The following ZFP91 variants were observed in gnomAD, a reference collection of about 807,000 sequenced individuals.
ZFP91 encodes the protein E3 ubiquitin-protein ligase ZFP91.
Under a neutral mutation model 63.5 loss-of-function variants are expected in ZFP91, and 7 were observed. The ratio of observed to expected loss-of-function variants is 0.11; its 90% CI spans 0.06 to 0.21. The LOEUF (loss-of-function observed/expected upper bound fraction) is 0.21. Ranked by LOEUF, ZFP91 falls within the 10% of genes least tolerant of loss-of-function variation. ZFP91 has a pLI of 1.00. For synonymous variants in ZFP91, 330 were observed against 272.1 expected (o/e 1.21, Z -2.10); for missense variants, 628 against 736.6 (o/e 0.85, Z 1.71).
In ZFP91 at chr11:58,611,661, G is replaced by A. The variant is rs1172678186; in HGVS notation, c.780G>A (p.Lys260=). The change falls in exon 6 of 11, where the codon AAG becomes AAA. Residue 260 remains lysine, a synonymous_variant. Transcript: ENST00000316059. ...SGKVKEEKEK[K]EIKVEVEVEV... is the part of the protein sequence containing the mutation. ...AGGTAAAAGAAGAGAAGGAGAAGAA[G>A]GAAATTAAAGTGGAAGTAGAGGTGG... The A allele has an allele frequency of 1.2e-6, 2 of 1,612,126 alleles. No individual in the cohort carries two copies. The highest frequency in any genetic ancestry group is 1.7e-5 in the Admixed American group (1 of 59,838).
chr11:58,605,232 A>G (rs918250187), intron 2 of ZFP91, among the ~76,000 whole-genome samples: 3 of 152,190 alleles, frequency 2.0e-5, no homozygotes, highest in Admixed American at 2.0e-4. Context: ...TTATTGTTGC[A>G]AAGTGTATGT....
intron 2 of ZFP91, among the ~76,000 whole-genome samples, chr11:58,590,114 A>C (rs1051899124): frequency 5.9e-5 from 9 of 152,236 alleles, no homozygotes; most frequent in Admixed American, 5.9e-4. Context: ...GAAACTTAAA[A>C]TCCTTAGTGG....
intron 2 of ZFP91, among the ~76,000 whole-genome samples, chr11:58,585,761 G>T (rs1855197840): frequency 6.6e-6 from 1 of 152,030 alleles, no homozygotes; most frequent in South Asian, 2.1e-4. Flanking sequence ...GAATCTTAAG[G>T]TTTTTCTGTT....
chr11:58,603,183 TA>T (rs1855518779), intron 2 of ZFP91, among the ~76,000 whole-genome samples: 1 of 152,218 alleles, frequency 6.6e-6, no homozygotes. Flanking sequence ...TGAACTTGGA[TA>T]TTTATCTGAG....
At position 58,598,583 on chromosome 11, in the gene ZFP91, C is replaced by G. The variant is rs1439166753; in HGVS notation, c.371-11247C>G. On this transcript the variant is annotated intron_variant, in intron 2 of 10. Transcript: ENST00000316059. ...TATTATTTATGTATCAAGGAACCTC[C>G]TCAAGGTTAGCTGCTATTATAAGAA... 2.0e-5 allele frequency among the ~76,000 whole-genome samples: 3 copies of G among 152,166 alleles called. 1 individual carries two copies. The highest frequency in any genetic ancestry group is 4.1e-4 in the South Asian group (2 of 4,830).
At chr11:58,611,911 T>TA (rs1855671534) in intron 6 of ZFP91, 173 bp downstream of exon 6, 9 of 689,014 alleles carry the variant, frequency 1.3e-5, no homozygotes, top group Admixed American at 3.4e-5. Flanking sequence ...AGACTCTTAG[T>TA]AAAAAAATGT....
chr11:58,593,120 A>G (rs1855335928), intron 2 of ZFP91, among the ~76,000 whole-genome samples: 1 of 152,244 alleles, frequency 6.6e-6, no homozygotes, highest in Non-Finnish European at 1.5e-5. Flanking sequence ...ACATTTCAAC[A>G]TGAGATTTGA....
intron 2 of ZFP91, among the ~76,000 whole-genome samples, chr11:58,598,251 G>C (rs1208864543): frequency 6.6e-6 from 1 of 151,928 alleles, no homozygotes; most frequent in Admixed American, 6.5e-5. Context: ...TTTTATATTT[G>C]TGTATATTTT....
chr11:58,610,373 G>A (rs1320357952), intron 4 of ZFP91, 39 bp downstream of exon 4: 3 of 1,539,356 alleles, frequency 1.9e-6, no homozygotes, highest in Non-Finnish European at 2.6e-6. Context: ...AAACCTTTGG[G>A]GACATAGCAT....
rs1234943128 is a variant in ZFP91 at position 58,579,067 on chromosome 11, C to G, written c.-215C>G. 3.4e-6 allele frequency: 1 copy of G among 295,268 alleles called. No homozygotes were observed. Among genetic ancestry groups the G allele is most frequent in the Non-Finnish European group, 5.9e-6 (1 of 170,386 alleles). The allele number at this position is 295,268 out of a possible 1,614,324, so 18.3% of individuals were successfully genotyped here. ...CGATTGGCCCGCTGAGCGTCTGTGG[C>G]GCGCGCGCGCGCGCCGCCAGCGGTA... On this transcript the variant is annotated 5_prime_UTR_variant, in exon 1 of 11. Transcript: ENST00000316059.
rs397730486 is a variant in ZFP91 at position 58,612,731 on chromosome 11, T to TG, written c.909-30dup. ...GTGCAGAGTACCACTTTTTTTTTTTTGCTAACTTTTCTTCTGCATTTTGAT... is the reference window on the plus strand; with the variant it reads ...GTGCAGAGTACCACTTTTTTTTTTTTGGCTAACTTTTCTTCTGCATTTTGAT... On this transcript the variant is annotated intron_variant, in intron 7 of 10. Transcript: ENST00000316059. 4.4e-6 allele frequency: 7 copies of TG among 1,579,628 alleles called. No individual in the cohort carries two copies. In the South Asian group the frequency reaches 8.1e-5, roughly 18 times the overall value.
intron 2 of ZFP91, among the ~76,000 whole-genome samples, chr11:58,605,259 C>A (rs556933653): frequency 6.6e-6 from 1 of 152,106 alleles, no homozygotes; most frequent in Admixed American, 6.6e-5. Flanking sequence ...GTCAAATGCC[C>A]ATTAACATAA....
chr11:58,587,210 T>G (rs1263461031), intron 2 of ZFP91, among the ~76,000 whole-genome samples: 1 of 152,182 alleles, frequency 6.6e-6, no homozygotes, highest in Non-Finnish European at 1.5e-5. Flanking sequence ...GATTGGTGTA[T>G]AAAACAAATG....
intron 2 of ZFP91, among the ~76,000 whole-genome samples, chr11:58,597,182 A>T (rs1855417983): frequency 6.6e-6 from 1 of 152,158 alleles, no homozygotes; most frequent in East Asian, 1.9e-4. Context: ...TTGTTGTACC[A>T]CCAAAAGATT....
intron 2 of ZFP91, among the ~76,000 whole-genome samples, chr11:58,601,196 G>A (rs1007161968): frequency 1.3e-5 from 2 of 152,192 alleles, no homozygotes; most frequent in Non-Finnish European, 2.9e-5. Flanking sequence ...TTCTTTAAAT[G>A]TGTGGTAGAA....
chr11:58,599,018 C>G (rs1312872174), intron 2 of ZFP91, among the ~76,000 whole-genome samples: 1 of 151,930 alleles, frequency 6.6e-6, no homozygotes, highest in Non-Finnish European at 1.5e-5. Flanking sequence ...ATGGATTTAC[C>G]TATTCTGGAT....
chr11:58,602,042 G>A (rs113943855), intron 2 of ZFP91, among the ~76,000 whole-genome samples: 6 of 151,818 alleles, frequency 4.0e-5, no homozygotes, highest in Admixed American at 2.0e-4. Flanking sequence ...CTGCCTCAGC[G>A]TCCTCGAGTA....
chr11:58,608,146 A>G (rs1166379250), intron 2 of ZFP91, among the ~76,000 whole-genome samples: 1 of 151,832 alleles, frequency 6.6e-6, no homozygotes, highest in Non-Finnish European at 1.5e-5. Flanking sequence ...AGAGTAGACA[A>G]CTAAACATTC....
At chr11:58,588,064 T>C (rs1855241775) in intron 2 of ZFP91, among the ~76,000 whole-genome samples, 1 of 152,160 alleles carries the variant, frequency 6.6e-6, no homozygotes. Flanking sequence ...ACCTAACCTA[T>C]TTGACTTATA....
Sources: gnomAD v4.1 joint callset for allele counts (sites outside exome capture counted in the v4.1 genomes callset) on GRCh38, gnomAD v4.1.1 for gene constraint, MANE v1.5 for transcripts, NCBI Gene and HGNC (gene_info 2026-07-23, HGNC 2026-07-21) for gene names.